GNL3L: variants seen among roughly 807,000 people sequenced by gnomAD.
The protein encoded by GNL3L is G protein nucleolar 3 like, also known as guanine nucleotide-binding protein-like 3-like protein.
Under a neutral mutation model 42.9 loss-of-function variants are expected in GNL3L, and 4 were observed. The observed-to-expected ratio is 0.09, with a 90% confidence interval of 0.05 to 0.21. GNL3L has a LOEUF of 0.21. Among genes scored for constraint, GNL3L ranks in the 10% least tolerant of loss-of-function variants. The pLI is 1.00. For synonymous variants in GNL3L, 159 were observed against 176.3 expected (o/e 0.90, Z 0.78); for missense variants, 412 against 481.7 (o/e 0.86, Z 1.36).
At chrX:54,609,833 C>T (rs1021244240) in intron 16 of GNL3L, among the ~76,000 whole-genome samples, 2 of 111,666 alleles carry the variant, frequency 1.8e-5, no homozygotes, top group Middle Eastern at 4.6e-3. Flanking sequence ...GCTATGTGGG[C>T]TCTTTTTTGT....
chrX:54,554,435 C>T (rs1446273298), intron 13 of GNL3L, 130 bp from the exon 14 acceptor site: 2 of 532,671 alleles, frequency 3.8e-6, no homozygotes, highest in Middle Eastern at 7.4e-4. Flanking sequence ...GGCCTCTCAG[C>T]AGGAGTGAAA....
downstream of GNL3L, among the ~76,000 whole-genome samples, chrX:54,625,695 A>C (rs1252284957): frequency 9.0e-6 from 1 of 111,150 alleles, no homozygotes; most frequent in African/African-American, 3.3e-5. Context: ...AAATAACTAA[A>C]ATATCTAATG....
At chrX:54,544,890 TA>T (rs1293283088) in intron 8 of GNL3L, among the ~76,000 whole-genome samples, 2 of 111,876 alleles carry the variant, frequency 1.8e-5, no homozygotes, top group Non-Finnish European at 3.8e-5. Context: ...AGGGAATTTG[TA>T]AAATACAGTT....
At chrX:54,606,398 T>C (rs1456842585) in intron 16 of GNL3L, among the ~76,000 whole-genome samples, 2 of 111,353 alleles carry the variant, frequency 1.8e-5, no homozygotes, top group Non-Finnish European at 3.8e-5. Context: ...AACTAACCTA[T>C]GGTATTAGAA....
intron 16 of GNL3L, among the ~76,000 whole-genome samples, chrX:54,607,072 CTCTTTCTTTCTTCT>C (rs1926094365): frequency 7.9e-4 from 18 of 22,803 alleles, no homozygotes; most frequent in Non-Finnish European, 1.1e-3. Flanking sequence ...TTCTTTCTTT[CTCTTTCTTTCTTCT>C]TTCTTTCTTT....
intron 2 of GNL3L, among the ~76,000 whole-genome samples, chrX:54,535,161 C>T (rs72620353): frequency 0.13 from 14,571 of 111,456 alleles, 1,420 homozygotes; most frequent in African/African-American, 0.34. Context: ...CCCTGTCACC[C>T]GGGCTGGAGT....
intron 16 of GNL3L, among the ~76,000 whole-genome samples, chrX:54,587,821 T>C (rs56327954): frequency 0.13 from 14,324 of 109,873 alleles, 1,463 homozygotes; most frequent in African/African-American, 0.34. Context: ...GCTGGGATTA[T>C]AGGCACCTAC....
At position 54,560,731 on chromosome X, in the gene GNL3L, C is replaced by T; in HGVS notation, c.*129C>T. On this transcript the variant is annotated 3_prime_UTR_variant, in exon 16 of 16. Transcript: ENST00000360845. Reference sequence around the variant, plus strand: ...GAACGCTTTCCCCACTGTGTGTCTTCTCCCCCTCCTCCAGTAAAAACAGTC... The same window carrying T: ...GAACGCTTTCCCCACTGTGTGTCTTTTCCCCCTCCTCCAGTAAAAACAGTC... 2 of 488,728 alleles carry T rather than the reference C, an allele frequency of 4.1e-6. No homozygotes were observed. The highest frequency in any genetic ancestry group is 6.4e-5 in the South Asian group (2 of 31,477). The allele number at this position is 488,728 out of a possible 1,213,427, so 40.3% of individuals were successfully genotyped here.
At chrX:54,624,802 A>G (rs1304249654), downstream of GNL3L, among the ~76,000 whole-genome samples, 1 of 103,838 alleles carries the variant, frequency 9.6e-6, no homozygotes, top group East Asian at 2.9e-4. Flanking sequence ...GTGTCTTTAC[A>G]TGGTCTCTTT....
At chrX:54,590,144 T>C (rs1925848213) in intron 16 of GNL3L, among the ~76,000 whole-genome samples, 1 of 111,107 alleles carries the variant, frequency 9.0e-6, no homozygotes, top group African/African-American at 3.3e-5. Context: ...TTCACCAGGT[T>C]GGTCAGGCTG....
At chrX:54,596,527 G>A (rs1343711733) in intron 16 of GNL3L, among the ~76,000 whole-genome samples, 3 of 111,634 alleles carry the variant, frequency 2.7e-5, no homozygotes, top group Non-Finnish European at 5.7e-5. Context: ...CCTGGGTCTC[G>A]CCCGAGGTTT....
chrX:54,625,842 T>G (rs1371396087), downstream of GNL3L, among the ~76,000 whole-genome samples: 1 of 109,694 alleles, frequency 9.1e-6, no homozygotes, highest in Non-Finnish European at 1.9e-5. Flanking sequence ...GAAAAAGTTT[T>G]TATAACATGA....
downstream of GNL3L, among the ~76,000 whole-genome samples, chrX:54,570,391 G>A (rs1925526775): frequency 9.0e-6 from 1 of 111,269 alleles, no homozygotes; most frequent in Non-Finnish European, 1.9e-5. Flanking sequence ...GTTTAACTAT[G>A]GTATATCTTT....
rs1420096078 is a variant in GNL3L at position 54,562,114 on chromosome X, C to T, written c.*1512C>T. 5.4e-5 allele frequency among the ~76,000 whole-genome samples: 6 copies of T among 112,021 alleles called. No individual in the cohort carries two copies. In the South Asian group the frequency reaches 1.1e-3, roughly 21 times the overall value. Reference sequence around the variant, plus strand: ...AGGCTGGAGTGCAATGGCGTGATCTCGGCTCACTGCAACCTCTGCCTCCCG... The same window carrying T: ...AGGCTGGAGTGCAATGGCGTGATCTTGGCTCACTGCAACCTCTGCCTCCCG... On this transcript the variant is annotated 3_prime_UTR_variant, in exon 16 of 16. Transcript: ENST00000360845.
chrX:54,628,214 TGTG>T, the GNL3L span, among the ~76,000 whole-genome samples: 1 of 57,576 alleles, frequency 1.7e-5, no homozygotes, highest in Non-Finnish European at 2.8e-5. Context: ...TATTCCGTGG[TGTG>T]TGTGTGTGTG....
chrX:54,535,226 C>T (rs1385388563), intron 2 of GNL3L, among the ~76,000 whole-genome samples: 2 of 111,040 alleles, frequency 1.8e-5, no homozygotes, highest in Non-Finnish European at 3.8e-5. Context: ...TCAAGCGATT[C>T]TCTTGCCTCA....
chrX:54,554,605 G>A lies in GNL3L; in HGVS notation c.1359G>A (p.Thr453=). 2 of 1,202,327 alleles carry A rather than the reference G, an allele frequency of 1.7e-6. No homozygotes were observed. The highest frequency in any genetic ancestry group is 2.3e-6 in the Non-Finnish European group (2 of 887,346). ...AATCTGATGAGCTGTTGGGTGACAC[G>A]GACCCACTTGAAATGGAGATCAAGT... is the stretch of plus-strand genomic sequence containing the variant. The part of the protein sequence containing the change: ...TGESDELLGD[T]DPLEMEIKLL... Residue 453 remains threonine, a synonymous_variant, in exon 14 of 16, where the codon ACG becomes ACA. Coordinates refer to ENST00000360845, the MANE Select transcript of GNL3L (RefSeq NM_001184819.2).
At chrX:54,552,161 T>C (rs1227495964) in intron 12 of GNL3L, 131 bp from the exon 13 acceptor site, 4 of 815,174 alleles carry the variant, frequency 4.9e-6, no homozygotes, top group East Asian at 3.2e-5. Flanking sequence ...CTCAACTCCT[T>C]CTTGTTCAGA....
At chrX:54,600,103 T>A (rs1602005298) in intron 16 of GNL3L, among the ~76,000 whole-genome samples, 1 of 109,520 alleles carries the variant, frequency 9.1e-6, no homozygotes, top group East Asian at 2.8e-4. Context: ...TTGCATTCAG[T>A]TTGAATTATT....
Sources: gnomAD v4.1 joint callset for allele counts (sites outside exome capture counted in the v4.1 genomes callset) on GRCh38, gnomAD v4.1.1 for gene constraint, MANE v1.5 for transcripts, NCBI Gene and HGNC (gene_info 2026-07-23, HGNC 2026-07-21) for gene names.